ERMP1: variants seen among roughly 807,000 people sequenced by gnomAD.
ERMP1 encodes the protein endoplasmic reticulum metallopeptidase 1, also known as Felix-ina.
Under a neutral mutation model 92.0 loss-of-function variants are expected in ERMP1, and 86 were observed. That is an observed-to-expected ratio of 0.93 (90% confidence interval 0.79 to 1.12). The LOEUF is 1.12. Ranked by LOEUF, ERMP1 falls within the 50% of genes most tolerant of loss-of-function variation. The probability of loss-of-function intolerance (pLI) is 0.00; values close to 1 mark genes in which losing one functional copy is unlikely to be tolerated. For missense variants in ERMP1, 1,342 were observed against 1,116.3 expected (o/e 1.20, Z -2.88); for synonymous variants, 530 against 412.8 (o/e 1.28, Z -3.44).
At chr9:5,805,342 G>A (rs1473335833) in intron 9 of ERMP1, 125 bp from the exon 10 acceptor site, 6 of 741,446 alleles carry the variant, frequency 8.1e-6, no homozygotes, top group Admixed American at 3.1e-5. Flanking sequence ...TGCCCTTAAG[G>A]GTGTATGTTA....
At chr9:5,788,331 A>G (rs1828026155) in intron 13 of ERMP1, among the ~76,000 whole-genome samples, 1 of 152,226 alleles carries the variant, frequency 6.6e-6, no homozygotes, top group Non-Finnish European at 1.5e-5. Flanking sequence ...TATAGTGTCC[A>G]GTCAAAGAAA....
chr9:5,852,579 C>T (rs531205428), intron 6 of ERMP1, among the ~76,000 whole-genome samples: 28 of 151,316 alleles, frequency 1.9e-4, no homozygotes, highest in Middle Eastern at 3.4e-3. Flanking sequence ...TTTTTATGTG[C>T]TCAAATACTG....
chr9:5,815,456 T>C (rs1214935868), intron 4 of ERMP1, among the ~76,000 whole-genome samples: 2 of 114,342 alleles, frequency 1.7e-5, no homozygotes, highest in Non-Finnish European at 3.7e-5. Flanking sequence ...TAACAGAATA[T>C]ATAGAGTAAA....
At chr9:5,861,169 G>GT (rs776034660) in intron 5 of ERMP1, among the ~76,000 whole-genome samples, 2,773 of 66,788 alleles carry the variant, frequency 0.042, 55 homozygotes, top group East Asian at 0.16. Flanking sequence ...ATGGCTTAGG[G>GT]GGTGTGTGTG....
At chr9:5,824,105 T>A in intron 3 of ERMP1, 104 bp from the exon 4 acceptor site, 1 of 812,554 alleles carries the variant, frequency 1.2e-6, no homozygotes, top group South Asian at 1.7e-5. Flanking sequence ...GTAAGGAATA[T>A]GAAAACAAAA....
chr9:5,824,060 AT>A, intron 3 of ERMP1, 59 bp from the exon 4 acceptor site: 1 of 1,419,064 alleles, frequency 7.0e-7, no homozygotes. Context: ...ATCAGTCTTG[AT>A]TTTGCTTAAA....
chr9:5,797,365 T>C (rs935306274), intron 13 of ERMP1, among the ~76,000 whole-genome samples: 3 of 151,458 alleles, frequency 2.0e-5, no homozygotes, highest in African/African-American at 4.9e-5. Context: ...CATAACCAGC[T>C]TTGGCCGGGC....
upstream of ERMP1, among the ~76,000 whole-genome samples, chr9:5,836,102 T>G (rs899947476): frequency 5.3e-5 from 8 of 152,202 alleles, no homozygotes; most frequent in African/African-American, 1.9e-4. Context: ...CTGACAGACA[T>G]AGAGATGTCC....
intron 5 of ERMP1, among the ~76,000 whole-genome samples, chr9:5,860,368 G>C (rs947175502): frequency 1.3e-5 from 2 of 152,076 alleles, no homozygotes; most frequent in South Asian, 4.1e-4. Context: ...TAGGGATGAA[G>C]TTTACTGCCA....
At chr9:5,791,438 C>T (rs1168985675) in intron 13 of ERMP1, among the ~76,000 whole-genome samples, 1 of 152,160 alleles carries the variant, frequency 6.6e-6, no homozygotes, top group African/African-American at 2.4e-5. Context: ...ACTCGAAGTC[C>T]AGTGATTTGC....
intron 1 of ERMP1, among the ~76,000 whole-genome samples, 154 bp from the exon 2 acceptor site, chr9:5,831,182 AAC>A (rs528274932): frequency 6.6e-6 from 1 of 152,198 alleles, no homozygotes; most frequent in Non-Finnish European, 1.5e-5. Flanking sequence ...ACACCAAGTG[AAC>A]ATCACTTATA....
intron 13 of ERMP1, among the ~76,000 whole-genome samples, chr9:5,787,825 G>C (rs1368872292): frequency 6.6e-6 from 1 of 152,140 alleles, no homozygotes; most frequent in Non-Finnish European, 1.5e-5. Flanking sequence ...GTGTTAAGTT[G>C]GTCCTATCAC....
chr9:5,793,020 A>T (rs550405033), intron 13 of ERMP1, among the ~76,000 whole-genome samples: 1 of 152,308 alleles, frequency 6.6e-6, no homozygotes, highest in East Asian at 1.9e-4. Flanking sequence ...TTTTCAAAAT[A>T]ATAGCAACAA....
intron 4 of ERMP1, among the ~76,000 whole-genome samples, chr9:5,822,352 G>T (rs565289795): frequency 6.6e-6 from 1 of 152,196 alleles, no homozygotes; most frequent in East Asian, 1.9e-4. Flanking sequence ...ATTAGTTAGA[G>T]TAAGAATAAA....
chr9:5,786,441 A>C lies in ERMP1; in HGVS notation c.*703T>G, dbSNP rs530786530. 1 of 152,384 alleles carries C rather than the reference A, an allele frequency of 6.6e-6. No homozygotes were observed. Among genetic ancestry groups the C allele is most frequent in the Admixed American group, 6.5e-5 (1 of 15,294 alleles). The allele number at this position is 152,384 out of a possible 1,614,324, so 9.4% of individuals were successfully genotyped here. On this transcript the variant is annotated 3_prime_UTR_variant, in exon 15 of 15. Transcript: ENST00000339450. Reference sequence around the variant, plus strand: ...TTGGTAAGATGGAGAGGGGTAACAGACATGTTTCAGAGGAAAACAGGCATA... The same window carrying C: ...TTGGTAAGATGGAGAGGGGTAACAGCCATGTTTCAGAGGAAAACAGGCATA...
rs1047557759 is a variant in ERMP1, at chr9:5,785,849, C to T, written c.*1295G>A. ...AACTCAAAATTTGTCCAACGTTTCA[C>T]ATTTCCTAATGATAAAAAGAAAGCT... On this transcript the variant is annotated 3_prime_UTR_variant, in exon 15 of 15. Coordinates refer to ENST00000339450, the MANE Select transcript of ERMP1 (RefSeq NM_024896.3). The T allele has an allele frequency of 3.9e-5, 6 of 152,210 alleles. No individual in the cohort carries two copies. Among genetic ancestry groups the T allele is most frequent in the African/African-American group, 1.4e-4 (6 of 41,444 alleles). The allele number at this position is 152,210 out of a possible 1,614,324, so 9.4% of individuals were successfully genotyped here.
intron 4 of ERMP1, among the ~76,000 whole-genome samples, chr9:5,819,262 G>A (rs558066448): frequency 2.0e-5 from 3 of 152,202 alleles, no homozygotes; most frequent in South Asian, 2.1e-4. Flanking sequence ...TAATACATGC[G>A]ACAATGTGGA....
chr9:5,859,219 C>T (rs559609962), intron 6 of ERMP1, among the ~76,000 whole-genome samples: 1 of 152,072 alleles, frequency 6.6e-6, no homozygotes, highest in African/African-American at 2.4e-5. Flanking sequence ...ACGGGATCTT[C>T]TCTGTTCTAA....
At chr9:5,843,966 G>C (rs757750652) in intron 6 of ERMP1, among the ~76,000 whole-genome samples, 4 of 152,096 alleles carry the variant, frequency 2.6e-5, no homozygotes, top group Non-Finnish European at 5.9e-5. Context: ...GGAAAATAAC[G>C]AGCACTCCTC....
Sources: gnomAD v4.1 joint callset for allele counts (sites outside exome capture counted in the v4.1 genomes callset) on GRCh38, gnomAD v4.1.1 for gene constraint, MANE v1.5 for transcripts, NCBI Gene and HGNC (gene_info 2026-07-23, HGNC 2026-07-21) for gene names.